The following ANKFN1 variants were observed in gnomAD, a reference collection of about 807,000 sequenced individuals.
The protein encoded by ANKFN1 is ankyrin repeat and fibronectin type-III domain-containing protein 1.
In ANKFN1, 74 loss-of-function variants were observed where a neutral mutation model predicts 108.7. The observed-to-expected ratio is 0.68, with a 90% confidence interval of 0.56 to 0.83. ANKFN1 has a LOEUF of 0.83. Ranked by LOEUF, ANKFN1 falls within the 40% of genes least tolerant of loss-of-function variation. The pLI is 0.00. For synonymous variants in ANKFN1, 547 were observed against 516.2 expected, an observed-to-expected ratio of 1.06 and a Z score of -0.81; for missense variants, 1,505 against 1,382.3, an observed-to-expected ratio of 1.09 and a Z score of -1.41.
intron 4 of ANKFN1, among the ~76,000 whole-genome samples, chr17:56,112,244 A>G (rs1409642094): frequency 6.6e-6 from 1 of 152,076 alleles, no homozygotes; most frequent in Non-Finnish European, 1.5e-5. Flanking sequence ...TTCTAATATC[A>G]TTCCTGAGGG....
intron 2 of ANKFN1, among the ~76,000 whole-genome samples, chr17:56,216,821 G>A (rs1567843587): frequency 6.6e-6 from 1 of 152,186 alleles, no homozygotes. Flanking sequence ...AGCCTAAAGG[G>A]CCTTTCTGGC....
chr17:56,151,507 T>C (rs1908605794), upstream of ANKFN1, among the ~76,000 whole-genome samples: 1 of 152,124 alleles, frequency 6.6e-6, no homozygotes, highest in Admixed American at 6.6e-5. Context: ...AAGTGCTGGG[T>C]TGGGGCTATT....
chr17:56,118,578 T>C (rs1355536690), intron 4 of ANKFN1, among the ~76,000 whole-genome samples: 4 of 152,140 alleles, frequency 2.6e-5, no homozygotes, highest in African/African-American at 9.7e-5. Flanking sequence ...TAAGGACTTA[T>C]GATATTACAG....
intron 8 of ANKFN1, among the ~76,000 whole-genome samples, chr17:56,437,543 T>C (rs891681910): frequency 2.6e-5 from 4 of 152,186 alleles, no homozygotes; most frequent in African/African-American, 9.6e-5. Flanking sequence ...TCTTTGCTCT[T>C]CCTAAATTTC....
intron 4 of ANKFN1, among the ~76,000 whole-genome samples, chr17:56,089,617 C>T (rs1905376484): frequency 6.6e-6 from 1 of 151,138 alleles, no homozygotes; most frequent in Admixed American, 6.6e-5. Context: ...CTTTTTCTCC[C>T]CCTAATATAA....
chr17:56,149,439 G>A (rs943733768), upstream of ANKFN1, among the ~76,000 whole-genome samples: 11 of 151,786 alleles, frequency 7.2e-5, no homozygotes, highest in East Asian at 3.9e-4. Context: ...TGGCACCAAC[G>A]GCAAGTTCTC....
At chr17:56,459,263 A>G (rs1327181443) in intron 14 of ANKFN1, among the ~76,000 whole-genome samples, 1 of 151,976 alleles carries the variant, frequency 6.6e-6, no homozygotes, top group Non-Finnish European at 1.5e-5. Flanking sequence ...GGCACCCACT[A>G]CCACACCCGG....
In ANKFN1 at chr17:56,391,366, ATATGTG is replaced by A. The variant is rs1181830867; in HGVS notation, c.910+16654_910+16659del. On this transcript the variant is annotated intron_variant, in intron 8 of 20. Transcript: ENST00000682825. ...CTTGAAGGCCCAAGAATACATATATATATGTGTGTGTGTGTGTGTGTGTGTGTGTGT... is the reference window on the plus strand; with the variant it reads ...CTTGAAGGCCCAAGAATACATATATATGTGTGTGTGTGTGTGTGTGTGTGT... Among the ~76,000 whole-genome samples the A allele has an allele frequency of 5.8e-4, 45 of 77,530 alleles. 1 individual carries two copies. The highest frequency in any genetic ancestry group is 2.6e-3 in the African/African-American group (40 of 15,662). 50.9% of individuals were successfully genotyped at this position (77,530 alleles called of 152,430 possible).
chr17:56,062,570 T>TTC (rs1567779884), intron 4 of ANKFN1, among the ~76,000 whole-genome samples: 1 of 151,382 alleles, frequency 6.6e-6, no homozygotes, highest in East Asian at 1.9e-4. Flanking sequence ...TTTTTTTTTT[T>TTC]TTTCTTTCCA....
Position 56,127,965 on chromosome 17 carries a change from G to A in ANKFN1, c.288+81640G>A, listed in dbSNP as rs542317781. On this transcript the variant is annotated intron_variant, in intron 4 of 12. Coordinates refer to the ANKFN1 transcript ENST00000635860. ...AGGCTTCTGCACCTGCTATGTAATA[G>A]CAAAACTATTGTTATGAAACACACC... is the stretch of plus-strand genomic sequence containing the variant. Among the ~76,000 whole-genome samples the A allele has an allele frequency of 2.6e-5, 4 of 152,222 alleles. No homozygotes were observed. In the South Asian group the frequency reaches 6.2e-4, roughly 24 times the overall value.
chr17:56,249,764 G>A (rs919699746), intron 3 of ANKFN1, among the ~76,000 whole-genome samples: 3 of 152,256 alleles, frequency 2.0e-5, no homozygotes, highest in Admixed American at 6.5e-5. Context: ...ACATCAGTGG[G>A]GAATGGTAGA....
intron 3 of ANKFN1, among the ~76,000 whole-genome samples, chr17:56,243,928 G>A (rs537024869): frequency 7.9e-5 from 12 of 152,196 alleles, no homozygotes; most frequent in African/African-American, 2.6e-4. Context: ...GACATTTTTA[G>A]TTAAATGAAA....
intron 1 of ANKFN1, among the ~76,000 whole-genome samples, chr17:56,167,298 CAT>C (rs1188998911): frequency 5.0e-4 from 47 of 94,696 alleles, no homozygotes; most frequent in Non-Finnish European, 7.2e-4. Flanking sequence ...CACACACATA[CAT>C]ATATACACAC....
At chr17:56,378,853 G>A (rs891673798) in intron 8 of ANKFN1, among the ~76,000 whole-genome samples, 1 of 152,040 alleles carries the variant, frequency 6.6e-6, no homozygotes, top group African/African-American at 2.4e-5. Flanking sequence ...AAAATGAAAG[G>A]CAACAGTGCT....
intron 8 of ANKFN1, among the ~76,000 whole-genome samples, chr17:56,386,566 C>T (rs1351778916): frequency 1.4e-5 from 2 of 140,710 alleles, no homozygotes; most frequent in Admixed American, 7.5e-5. Context: ...AATAGATTAT[C>T]TTGCATCTCA....
rs527716899 is a variant in ANKFN1 at position 56,244,953 on chromosome 17, A to AT, written c.53+16997dup. ...TAATTAAGGTTTTTCTAATTTCAAC[A>AT]TATGTTTCCCAAAAGAGGCTTTCAA... On this transcript the variant is annotated intron_variant, in intron 3 of 20. Transcript: ENST00000682825. Among the ~76,000 whole-genome samples, 7 of 152,266 alleles carry AT rather than the reference A, an allele frequency of 4.6e-5. No homozygotes were observed. The East Asian group carries it at 1.2e-3, about 25-fold the overall frequency.
intron 1 of ANKFN1, among the ~76,000 whole-genome samples, chr17:56,170,805 T>TACACAC (rs1383558821): frequency 1.1e-4 from 8 of 72,144 alleles, no homozygotes; most frequent in Non-Finnish European, 1.9e-4. Context: ...TATATATATA[T>TACACAC]ATACACACAC....
chr17:56,147,215 T>G (rs191266370), intron 4 of ANKFN1, among the ~76,000 whole-genome samples: 1 of 152,332 alleles, frequency 6.6e-6, no homozygotes, highest in Admixed American at 6.5e-5. Context: ...GTTCCAAACC[T>G]TCCCACATCT....
rs529287577 is a variant in ANKFN1, at chr17:56,078,403, C to A, written c.288+32078C>A. Among the ~76,000 whole-genome samples the A allele has an allele frequency of 2.6e-5, 4 of 152,258 alleles. No homozygotes were observed. In the South Asian group the frequency reaches 8.3e-4, roughly 32 times the overall value. On this transcript the variant is annotated intron_variant, in intron 4 of 12. Transcript: ENST00000635860. ...CCATGACTATGGACCATTCCTAGGA[C>A]AAAATTGCAGGAAAAAAATGGGGGA...
Sources: allele counts gnomAD v4.1 joint callset (sites outside exome capture counted in the v4.1 genomes callset), GRCh38; gene constraint gnomAD v4.1.1; transcripts MANE v1.5; gene names NCBI Gene and HGNC (gene_info 2026-07-23, HGNC 2026-07-21).